Variants in RGL1 observed in about 807,000 individuals in gnomAD.
The protein encoded by RGL1 is ral guanine nucleotide dissociation stimulator-like 1.
RGL1 carries 24 observed loss-of-function variants against 95.2 expected under a neutral mutation model. The observed-to-expected ratio is 0.25, with a 90% confidence interval of 0.18 to 0.35. The LOEUF (loss-of-function observed/expected upper bound fraction) is 0.35. Ranked by LOEUF, RGL1 falls within the 10% of genes least tolerant of loss-of-function variation. RGL1 has a pLI of 1.00. For synonymous variants in RGL1, 329 were observed against 344.9 expected (o/e 0.95, Z 0.51); for missense variants, 715 against 936.3 (o/e 0.76, Z 3.08).
chr1:183,855,512 A>G (rs933079858), intron 3 of RGL1, among the ~76,000 whole-genome samples: 2 of 152,262 alleles, frequency 1.3e-5, no homozygotes, highest in African/African-American at 4.8e-5. Context: ...GCTGGCATGC[A>G]GTGTTCATGT....
chr1:183,815,473 G>A (rs2102440099), intron 2 of RGL1, among the ~76,000 whole-genome samples: 1 of 152,256 alleles, frequency 6.6e-6, no homozygotes, highest in Middle Eastern at 3.4e-3. Flanking sequence ...TGACTTTAGG[G>A]CCCAGAGCCA....
At chr1:183,842,471 C>T (rs1227765505) in intron 2 of RGL1, among the ~76,000 whole-genome samples, 2 of 151,938 alleles carry the variant, frequency 1.3e-5, no homozygotes, top group Non-Finnish European at 2.9e-5. Flanking sequence ...TTTTCCTCTC[C>T]GTCTCATGCC....
chr1:183,790,349 C>A (rs1211882561), intron 2 of RGL1, among the ~76,000 whole-genome samples: 2 of 152,182 alleles, frequency 1.3e-5, no homozygotes, highest in African/African-American at 2.4e-5. Context: ...AACCTACACC[C>A]AAAGCCAGTT....
At chr1:183,909,506 A>T (rs1321260992) in intron 14 of RGL1, among the ~76,000 whole-genome samples, 1 of 152,198 alleles carries the variant, frequency 6.6e-6, no homozygotes, top group Non-Finnish European at 1.5e-5. Context: ...AGCAGTAAGA[A>T]AGGGCATTAT....
chr1:183,820,154 A>G (rs937024440), intron 2 of RGL1, among the ~76,000 whole-genome samples: 1 of 152,148 alleles, frequency 6.6e-6, no homozygotes, highest in African/African-American at 2.4e-5. Context: ...ATGATAACAC[A>G]GTTCTTTTCA....
intron 1 of RGL1, among the ~76,000 whole-genome samples, chr1:183,717,088 C>G (rs1352432411): frequency 6.6e-6 from 1 of 152,146 alleles, no homozygotes; most frequent in African/African-American, 2.4e-5. Context: ...GAAGATTTTT[C>G]CAAAGGGTTA....
At chr1:183,768,363 A>C (rs1490605066) in intron 2 of RGL1, among the ~76,000 whole-genome samples, 1 of 151,566 alleles carries the variant, frequency 6.6e-6, no homozygotes, top group African/African-American at 2.4e-5. Flanking sequence ...CATATCCATA[A>C]CTTTCTTCAC....
chr1:183,847,495 C>A, intron 2 of RGL1, 71 bp from the exon 3 acceptor site: 1 of 1,278,678 alleles, frequency 7.8e-7, no homozygotes, highest in South Asian at 1.3e-5. Flanking sequence ...TGGCCTTCAA[C>A]TATTTCAATG....
chr1:183,866,157 A>G lies in RGL1; in HGVS notation c.425+84A>G, dbSNP rs112019511. ...TTTAGTAGAGTATTTTATTCCTTTG[A>G]ATGTTGCCATGATTTTTTTTTCCAT... On this transcript the variant is annotated intron_variant, in intron 4 of 17. Transcript: ENST00000360851. 3,117 of 1,159,148 alleles carry G rather than the reference A, an allele frequency of 2.7e-3. 64 individuals carry two copies. In the African/African-American group the frequency reaches 0.044, roughly 16 times the overall value. 71.8% of individuals were successfully genotyped at this position (1,159,148 alleles called of 1,614,324 possible).
chr1:183,880,790 G>A lies in RGL1; in HGVS notation c.600G>A (p.Val200=). 6.2e-7 allele frequency: 1 copy of A among 1,613,716 alleles called. No individual in the cohort carries two copies. Among genetic ancestry groups the A allele is most frequent in the South Asian group, 1.1e-5 (1 of 91,034 alleles). ...TTGAGCAGTTTCAGAAGCAAGAAGTGGAAACTGACAGTGAGTACTTGTTTG... is the reference window on the plus strand; with the variant it reads ...TTGAGCAGTTTCAGAAGCAAGAAGTAGAAACTGACAGTGAGTACTTGTTTG... ...NLLEQFQKQE[V]ETDNGLPNTI... The change falls in exon 5 of 18, where the codon GTG becomes GTA. Residue 200 remains valine (V), a synonymous_variant. Coordinates refer to ENST00000360851, the MANE Select transcript of RGL1 (RefSeq NM_001297671.3).
At chr1:183,910,115 T>C (rs1286378841) in intron 14 of RGL1, among the ~76,000 whole-genome samples, 4 of 152,176 alleles carry the variant, frequency 2.6e-5, no homozygotes, top group Admixed American at 2.6e-4. Context: ...CCTCACTCGC[T>C]CTCTTTCTTT....
chr1:183,870,273 A>G (rs1014815907), intron 4 of RGL1, among the ~76,000 whole-genome samples: 1 of 151,930 alleles, frequency 6.6e-6, no homozygotes, highest in Admixed American at 6.6e-5. Context: ...CTCGGTCTTC[A>G]GGGGTATGTG....
chr1:183,674,792 TATA>T (rs1652708144), intron 1 of RGL1, among the ~76,000 whole-genome samples: 1 of 152,242 alleles, frequency 6.6e-6, no homozygotes, highest in Non-Finnish European at 1.5e-5. Flanking sequence ...AGTGGTCTAA[TATA>T]ATCTTTAATC....
At position 183,817,382 on chromosome 1, in the gene RGL1, C is replaced by T. The variant is rs561283349; in HGVS notation, c.138+10897C>T. The stretch of plus-strand genomic sequence containing the variant: ...AAGATCTATTTTTCTCACTGTCTTT[C>T]CATTTGCTGATTATAGCTGCTTCCT... On this transcript the variant is annotated intron_variant, in intron 2 of 17. Transcript: ENST00000360851. 5.9e-5 allele frequency among the ~76,000 whole-genome samples: 9 copies of T among 152,312 alleles called. 1 individual carries two copies. The South Asian group carries it at 1.9e-3, about 32-fold the overall frequency.
At chr1:183,648,057 A>C in intron 1 of RGL1, 1 of 1,614,232 alleles carries the variant, frequency 6.2e-7, no homozygotes, top group Non-Finnish European at 8.5e-7. Flanking sequence ...CTGGAGAAGA[A>C]CATCAGTGAA....
At chr1:183,677,988 T>C (rs548916378) in intron 1 of RGL1, among the ~76,000 whole-genome samples, 2 of 152,330 alleles carry the variant, frequency 1.3e-5, no homozygotes, top group African/African-American at 4.8e-5. Flanking sequence ...TATACTTCCA[T>C]ATGTAATTCA....
rs767836174 is a variant in RGL1 at position 183,902,564 on chromosome 1, T to G, written c.1318-4T>G. On this transcript the variant is annotated splice_polypyrimidine_tract_variant and splice_region_variant and intron_variant, in intron 11 of 17. Coordinates refer to ENST00000360851, the MANE Select transcript of RGL1 (RefSeq NM_001297671.3). ...CTCACTCTTTTTATTAAAATTTCTT[T>G]TAGGGTGGACTGATAAACTTTGAGA... is the stretch of plus-strand genomic sequence containing the variant. The G allele has an allele frequency of 6.2e-7, 1 of 1,607,998 alleles. No individual in the cohort carries two copies. Among genetic ancestry groups the G allele is most frequent in the African/African-American group, 1.3e-5 (1 of 74,546 alleles).
At chr1:183,693,872 T>C (rs1396361001) in intron 1 of RGL1, among the ~76,000 whole-genome samples, 1 of 152,224 alleles carries the variant, frequency 6.6e-6, no homozygotes, top group East Asian at 1.9e-4. Flanking sequence ...ACCCTTGGAA[T>C]AGACTTTAAG....
At chr1:183,911,040 G>A (rs1216246153) in intron 14 of RGL1, among the ~76,000 whole-genome samples, 1 of 152,188 alleles carries the variant, frequency 6.6e-6, no homozygotes, top group Non-Finnish European at 1.5e-5. Context: ...ATATTTCCTT[G>A]TGTGTATTTT....
Sources: gnomAD v4.1 joint callset for allele counts (sites outside exome capture counted in the v4.1 genomes callset) on GRCh38, gnomAD v4.1.1 for gene constraint, MANE v1.5 for transcripts, NCBI Gene and HGNC (gene_info 2026-07-23, HGNC 2026-07-21) for gene names.